The following TRIM5 variants were observed in gnomAD, a reference collection of about 807,000 sequenced individuals.
TRIM5 encodes the protein tripartite motif-containing protein 5.
In TRIM5, 31 loss-of-function variants were observed where a neutral mutation model predicts 35.6. The ratio of observed to expected loss-of-function variants is 0.87; its 90% CI spans 0.65 to 1.18. TRIM5 has a LOEUF of 1.18. Among genes scored for constraint, TRIM5 ranks in the 50% most tolerant of loss-of-function variants. TRIM5 has a pLI of 0.00. For synonymous variants in TRIM5, 243 were observed against 215.6 expected (o/e 1.13, Z -1.11); for missense variants, 609 against 591.6 (o/e 1.03, Z -0.31).
chr11:5,636,144 T>C, the TRIM5 span, among the ~76,000 whole-genome samples: 3 of 152,256 alleles, frequency 2.0e-5, no homozygotes, highest in Non-Finnish European at 4.4e-5. Context: ...AAACTGATGA[T>C]TGGATAAGCA....
chr11:5,664,216 A>AG lies in TRIM5; in HGVS notation c.*592dup, dbSNP rs1850960081. The AG allele has an allele frequency of 3.1e-6, 3 of 974,800 alleles. No homozygotes were observed. Among genetic ancestry groups the AG allele is most frequent in the South Asian group, 9.5e-5 (2 of 21,130 alleles). The allele number at this position is 974,800 out of a possible 1,614,324, so 60.4% of individuals were successfully genotyped here. On this transcript the variant is annotated 3_prime_UTR_variant, in exon 8 of 8. Coordinates refer to ENST00000380034, the MANE Select transcript of TRIM5 (RefSeq NM_033034.3). ...AACTTCATCTCAAAAAAAAAAAAAA[A>AG]GAAAAAAGAAAAGAAAAGGAAATAA...
At chr11:5,646,672 T>G in the TRIM5 span, among the ~76,000 whole-genome samples, 1 of 152,184 alleles carries the variant, frequency 6.6e-6, no homozygotes, top group African/African-American at 2.4e-5. Flanking sequence ...AACCTCTGAC[T>G]TTGTAACCCT....
chr11:5,642,608 G>C, the TRIM5 span: 1 of 1,453,550 alleles, frequency 6.9e-7, no homozygotes, highest in Non-Finnish European at 9.3e-7. Context: ...GAAGAGAGGA[G>C]GGAGGTCAGA....
At chr11:5,660,905 G>A (rs1265617429), downstream of TRIM5, among the ~76,000 whole-genome samples, 2 of 151,634 alleles carry the variant, frequency 1.3e-5, no homozygotes, top group African/African-American at 2.4e-5. Flanking sequence ...AGCTGGGCAT[G>A]GTGGCAGGTG....
chr11:5,641,159 C>T, the TRIM5 span: 1 of 1,610,084 alleles, frequency 6.2e-7, no homozygotes, highest in Non-Finnish European at 8.5e-7. Context: ...TTTCTCTTTT[C>T]TTTCTAGGAC....
chr11:5,619,595 C>G, the TRIM5 span, among the ~76,000 whole-genome samples: 1 of 150,154 alleles, frequency 6.7e-6, no homozygotes, highest in Non-Finnish European at 1.5e-5. Flanking sequence ...GTTTCTCTCT[C>G]TCAAGCTAGT....
chr11:5,678,176 A>G (rs370198111), intron 4 of TRIM5, 28 bp downstream of exon 4: 59 of 1,566,012 alleles, frequency 3.8e-5, no homozygotes, highest in Admixed American at 5.5e-5. Flanking sequence ...CTTTAATCTC[A>G]GTGCTCAGGC....
the TRIM5 span, among the ~76,000 whole-genome samples, chr11:5,615,906 A>C: frequency 1.6e-5 from 2 of 125,572 alleles, no homozygotes; most frequent in Non-Finnish European, 3.4e-5. Context: ...CTTTCTTTTG[A>C]TTATTGTTTT....
At chr11:5,613,470 T>TATC in the TRIM5 span, among the ~76,000 whole-genome samples, 1 of 152,334 alleles carries the variant, frequency 6.6e-6, no homozygotes, top group South Asian at 2.1e-4. Flanking sequence ...TGGGAGATCA[T>TATC]ATCTGTGGAA....
At position 5,663,253 on chromosome 11, in the gene TRIM5, C is replaced by G; in HGVS notation, c.*1556G>C. 1 of 951,644 alleles carries G rather than the reference C, an allele frequency of 1.1e-6. No homozygotes were observed. The highest frequency in any genetic ancestry group is 1.3e-6 in the Non-Finnish European group (1 of 799,252). 59.0% of individuals were successfully genotyped at this position (951,644 alleles called of 1,614,324 possible). On this transcript the variant is annotated 3_prime_UTR_variant, in exon 8 of 8. Coordinates refer to ENST00000380034, the MANE Select transcript of TRIM5 (RefSeq NM_033034.3). Reference sequence around the variant, plus strand: ...TTTAACTTTTAAAAAACTACATCAGCTAATTTTATTATAATTATTTTTTAC... The same window carrying G: ...TTTAACTTTTAAAAAACTACATCAGGTAATTTTATTATAATTATTTTTTAC...
At chr11:5,643,542 G>T in the TRIM5 span, 1 of 1,614,130 alleles carries the variant, frequency 6.2e-7, no homozygotes, top group Non-Finnish European at 8.5e-7. Context: ...CTGCCGTGTT[G>T]GGGTTTTCCT....
Position 5,664,981 on chromosome 11 carries a change from C to T in TRIM5, c.1310G>A (p.Arg437His), listed in dbSNP as rs758747919. ...CTCATAGTCTAGGAAAACTCCAACA[C>T]GATCAGGACAAATAATCACAGAGAG... The part of the protein sequence containing the change: ...VPLSVIICPD[R>H]VGVFLDYEAC... The change falls in exon 8 of 8, where the codon CGT becomes CAT. Residue 437 changes from arginine (R) to histidine (H), a missense_variant. Arg to His is a conservative substitution (Grantham distance 29, BLOSUM62 0). Transcript: ENST00000380034. 1.4e-5 allele frequency: 22 copies of T among 1,613,890 alleles called. No individual in the cohort carries two copies. The highest frequency in any genetic ancestry group is 6.7e-5 in the Admixed American group (4 of 59,984).
the TRIM5 span, chr11:5,605,674 C>T: frequency 1.6e-5 from 21 of 1,350,924 alleles, no homozygotes; most frequent in Admixed American, 1.1e-4. Flanking sequence ...CAAGAGAAAA[C>T]ATTCCTTTGG....
chr11:5,643,458 TG>T, the TRIM5 span: 1 of 1,614,192 alleles, frequency 6.2e-7, no homozygotes, highest in South Asian at 1.1e-5. Context: ...ACAGAATAAA[TG>T]TAAGTATGGT....
At chr11:5,637,204 G>T in the TRIM5 span, among the ~76,000 whole-genome samples, 1 of 152,124 alleles carries the variant, frequency 6.6e-6, no homozygotes, top group Non-Finnish European at 1.5e-5. Flanking sequence ...TGTATTTGTG[G>T]TATGTCTCCT....
chr11:5,654,330 C>T, the TRIM5 span, among the ~76,000 whole-genome samples: 1 of 152,220 alleles, frequency 6.6e-6, no homozygotes, highest in Non-Finnish European at 1.5e-5. Flanking sequence ...CTTCAGATAA[C>T]TCTACAGTTT....
chr11:5,591,360 A>T, the TRIM5 span, among the ~76,000 whole-genome samples: 1 of 152,184 alleles, frequency 6.6e-6, no homozygotes, highest in Non-Finnish European at 1.5e-5. Flanking sequence ...AGACAGAAGA[A>T]ATGGTTAGCC....
chr11:5,610,368 A>T, the TRIM5 span: 1 of 1,563,928 alleles, frequency 6.4e-7, no homozygotes, highest in Non-Finnish European at 8.7e-7. Flanking sequence ...AGAGGGAGGG[A>T]CATAGTGTGC....
the TRIM5 span, among the ~76,000 whole-genome samples, chr11:5,655,866 C>A: frequency 6.6e-6 from 1 of 152,192 alleles, no homozygotes; most frequent in Non-Finnish European, 1.5e-5. Flanking sequence ...CATCTACAAC[C>A]ATCTGATCTT....
Sources: gnomAD v4.1 joint callset for allele counts (sites outside exome capture counted in the v4.1 genomes callset) on GRCh38, gnomAD v4.1.1 for gene constraint, MANE v1.5 for transcripts, NCBI Gene and HGNC (gene_info 2026-07-23, HGNC 2026-07-21) for gene names.